Variants in PDE11A observed in about 807,000 individuals in gnomAD.
The protein encoded by PDE11A is phosphodiesterase 11A.
PDE11A carries 100 observed loss-of-function variants against 100.5 expected under a neutral mutation model. The observed-to-expected ratio is 1.00, with a 90% CI of 0.85 to 1.18. PDE11A has a LOEUF of 1.18. Ranked by LOEUF, PDE11A falls within the 50% of genes most tolerant of loss-of-function variation. The pLI is 0.00. For missense variants in PDE11A, 1,141 were observed against 1,152.6 expected (o/e 0.99, Z 0.15); for synonymous variants, 381 against 420.8 (o/e 0.91, Z 1.16).
At chr2:177,888,346 T>C (rs2084474542) in intron 4 of PDE11A, among the ~76,000 whole-genome samples, 1 of 152,110 alleles carries the variant, frequency 6.6e-6, no homozygotes, top group South Asian at 2.1e-4. Context: ...CCCAGGTATA[T>C]ATGGAAACTA....
chr2:178,003,293 C>T (rs1195556960), intron 2 of PDE11A, among the ~76,000 whole-genome samples: 1 of 151,978 alleles, frequency 6.6e-6, no homozygotes, highest in African/African-American at 2.4e-5. Flanking sequence ...GAAGTGGAAA[C>T]AGCAACAAAT....
chr2:177,687,866 C>A (rs893561151), intron 15 of PDE11A: 1 of 152,210 alleles, frequency 6.6e-6, no homozygotes, highest in Non-Finnish European at 1.5e-5. Context: ...GGTGAAGTGA[C>A]TTGTTCAAGG....
chr2:177,936,619 C>T (rs1453092007), intron 2 of PDE11A, among the ~76,000 whole-genome samples: 1 of 152,132 alleles, frequency 6.6e-6, no homozygotes, highest in Admixed American at 6.6e-5. Flanking sequence ...TATTTCAGGA[C>T]TTTAAAAATT....
At chr2:177,979,345 G>T (rs2085849634) in intron 2 of PDE11A, among the ~76,000 whole-genome samples, 1 of 150,554 alleles carries the variant, frequency 6.6e-6, no homozygotes, top group African/African-American at 2.4e-5. Context: ...AAAAGAAAAA[G>T]AAAATGAAAT....
At chr2:177,921,493 A>C (rs1388984429) in intron 2 of PDE11A, among the ~76,000 whole-genome samples, 2 of 151,504 alleles carry the variant, frequency 1.3e-5, no homozygotes, top group Non-Finnish European at 2.9e-5. Flanking sequence ...AAGAAAAAAA[A>C]CATGTTTATC....
chr2:177,679,119 A>T (rs1459611788), intron 16 of PDE11A, among the ~76,000 whole-genome samples: 1 of 128,200 alleles, frequency 7.8e-6, no homozygotes, highest in Non-Finnish European at 1.7e-5. Context: ...ATTAGGGGCT[A>T]TAAAGAGATC....
intron 2 of PDE11A, among the ~76,000 whole-genome samples, chr2:177,932,467 T>TAA (rs1232628522): frequency 6.6e-6 from 1 of 152,190 alleles, no homozygotes; most frequent in African/African-American, 2.4e-5. Context: ...TAATTTACCA[T>TAA]AATCAAGTAG....
chr2:177,783,852 C>T (rs1426875331), intron 9 of PDE11A, among the ~76,000 whole-genome samples: 1 of 152,134 alleles, frequency 6.6e-6, no homozygotes, highest in Non-Finnish European at 1.5e-5. Context: ...TCACTAGGTG[C>T]TATTTCATTT....
chr2:177,967,443 C>T (rs1246706519), intron 2 of PDE11A, among the ~76,000 whole-genome samples: 2 of 151,930 alleles, frequency 1.3e-5, no homozygotes, highest in African/African-American at 4.8e-5. Flanking sequence ...GGTGATCCAC[C>T]CACCACAGCC....
At chr2:177,849,095 A>G (rs565529898) in intron 5 of PDE11A, among the ~76,000 whole-genome samples, 12 of 152,362 alleles carry the variant, frequency 7.9e-5, no homozygotes, top group Admixed American at 3.3e-4. Context: ...AGTGCTGGAC[A>G]GGAGTGAGCC....
intron 2 of PDE11A, among the ~76,000 whole-genome samples, chr2:177,991,078 C>T (rs2085998344): frequency 6.6e-6 from 1 of 151,300 alleles, no homozygotes; most frequent in South Asian, 2.1e-4. Flanking sequence ...AATCCTAGCA[C>T]TTTGGGAGGC....
intron 19 of PDE11A, among the ~76,000 whole-genome samples, chr2:177,662,997 G>T (rs2080505554): frequency 6.6e-6 from 1 of 152,156 alleles, no homozygotes; most frequent in Non-Finnish European, 1.5e-5. Context: ...AAGAGCTTTT[G>T]CTTTCCCTGC....
intron 7 of PDE11A, among the ~76,000 whole-genome samples, chr2:177,818,999 A>C (rs2083090894): frequency 6.6e-6 from 1 of 152,108 alleles, no homozygotes; most frequent in Non-Finnish European, 1.5e-5. Flanking sequence ...GCATGTAACC[A>C]GGCAAACTAC....
At chr2:178,032,671 G>T (rs138898154) in intron 1 of PDE11A, among the ~76,000 whole-genome samples, 274 of 152,246 alleles carry the variant, frequency 1.8e-3, no homozygotes, top group Admixed American at 4.6e-3. Flanking sequence ...TTAGGCCAGG[G>T]CCTCCCTAGA....
chr2:177,786,134 T>A (rs879878930), intron 9 of PDE11A, among the ~76,000 whole-genome samples: 151 of 152,124 alleles, frequency 9.9e-4, no homozygotes, highest in Non-Finnish European at 1.7e-3. Flanking sequence ...CTGGGAGGCA[T>A]CCCCCAGTAG....
intron 5 of PDE11A, among the ~76,000 whole-genome samples, chr2:177,872,965 G>C (rs1479838435): frequency 6.6e-6 from 1 of 152,152 alleles, no homozygotes; most frequent in Non-Finnish European, 1.5e-5. Flanking sequence ...GCCATAAATA[G>C]AATGATGAAT....
chr2:177,654,364 C>A (rs2080351117), intron 19 of PDE11A, among the ~76,000 whole-genome samples: 2 of 152,042 alleles, frequency 1.3e-5, no homozygotes, highest in Non-Finnish European at 2.9e-5. Flanking sequence ...TATGAAAATA[C>A]AGAAAAATTA....
intron 10 of PDE11A, among the ~76,000 whole-genome samples, chr2:177,738,098 G>A (rs1260712289): frequency 6.6e-6 from 1 of 151,714 alleles, no homozygotes; most frequent in Admixed American, 6.6e-5. Context: ...TAATATAGGT[G>A]AGTCAAGTTG....
intron 2 of PDE11A, among the ~76,000 whole-genome samples, chr2:177,967,525 T>C (rs774615737): frequency 5.3e-5 from 8 of 152,070 alleles, no homozygotes; most frequent in Non-Finnish European, 1.0e-4. Context: ...ATTGTGTTTA[T>C]AATAAAGGTT....
Sources: allele counts gnomAD v4.1 joint callset (sites outside exome capture counted in the v4.1 genomes callset), GRCh38; gene constraint gnomAD v4.1.1; transcripts MANE v1.5; gene names NCBI Gene and HGNC (gene_info 2026-07-23, HGNC 2026-07-21).